The following VWA8 variants were observed in gnomAD, a reference collection of about 807,000 sequenced individuals.
VWA8 encodes the protein von Willebrand factor A domain-containing protein 8.
A neutral mutation model predicts 241.5 loss-of-function variants in VWA8; 221 were observed. The ratio of observed to expected loss-of-function variants is 0.91; its 90% CI spans 0.82 to 1.02. The LOEUF is 1.02. VWA8 is among the 50% of genes least tolerant of loss of function. The pLI, the probability that VWA8 is intolerant of heterozygous loss-of-function variation, is 0.00. For synonymous variants in VWA8, 852 were observed against 827.1 expected, an observed-to-expected ratio of 1.03 and a Z score of -0.52; for missense variants, 2,322 against 2,328.7, an observed-to-expected ratio of 1.00 and a Z score of 0.06.
intron 4 of VWA8, 116 bp downstream of exon 4, chr13:41,907,470 A>ACT (rs1875774763): frequency 1.2e-6 from 1 of 800,360 alleles, no homozygotes. Flanking sequence ...CTGTCTAGAG[A>ACT]GAGCACAATA....
chr13:41,719,815 T>A, intron 25 of VWA8, 73 bp from the exon 26 acceptor site: 1 of 1,406,138 alleles, frequency 7.1e-7, no homozygotes, highest in African/African-American at 1.4e-5. Context: ...ATGAAATGGA[T>A]AGGACAATAA....
chr13:41,784,562 G>A (rs1869048171), intron 18 of VWA8, among the ~76,000 whole-genome samples: 1 of 71,908 alleles, frequency 1.4e-5, no homozygotes, highest in African/African-American at 5.7e-5. Flanking sequence ...TATTCAGGAG[G>A]CTGAGGCAGG....
chr13:41,613,953 G>A (rs182253234), intron 38 of VWA8, among the ~76,000 whole-genome samples: 1 of 152,300 alleles, frequency 6.6e-6, no homozygotes, highest in African/African-American at 2.4e-5. Flanking sequence ...GGACAGATAC[G>A]TGAGCTAGTA....
intron 42 of VWA8, among the ~76,000 whole-genome samples, chr13:41,579,190 A>G (rs2044368005): frequency 6.6e-6 from 1 of 152,206 alleles, no homozygotes; most frequent in Non-Finnish European, 1.5e-5. Context: ...ACAATCATCT[A>G]AGGCTATTTA....
At chr13:41,626,928 T>G (rs2044695805) in intron 37 of VWA8, among the ~76,000 whole-genome samples, 1 of 152,134 alleles carries the variant, frequency 6.6e-6, no homozygotes, top group Admixed American at 6.5e-5. Context: ...TGGAACCTAC[T>G]TAAACTAAAG....
chr13:41,863,429 GTGTGTATA>G (rs1285599989), intron 12 of VWA8, among the ~76,000 whole-genome samples: 1,123 of 72,630 alleles, frequency 0.015, 16 homozygotes, highest in South Asian at 0.027. Context: ...GTGTGTGTGT[GTGTGTATA>G]TATATATATA....
chr13:41,873,388 T>G (rs893956561), intron 9 of VWA8, among the ~76,000 whole-genome samples: 5 of 151,940 alleles, frequency 3.3e-5, no homozygotes, highest in Admixed American at 6.6e-5. Context: ...AATTAATGAA[T>G]CCAGGAGCTG....
intron 34 of VWA8, among the ~76,000 whole-genome samples, chr13:41,686,086 C>T (rs985595525): frequency 1.3e-5 from 2 of 152,098 alleles, no homozygotes; most frequent in African/African-American, 4.8e-5. Context: ...CTAACTTTTG[C>T]CCATAGCAAC....
chr13:41,779,225 A>T (rs909474761), intron 19 of VWA8, among the ~76,000 whole-genome samples: 1 of 147,910 alleles, frequency 6.8e-6, no homozygotes, highest in Non-Finnish European at 1.5e-5. Context: ...TATAGATATA[A>T]AAATATATAA....
chr13:41,768,793 G>T (rs2137916365), intron 20 of VWA8, among the ~76,000 whole-genome samples: 1 of 152,262 alleles, frequency 6.6e-6, no homozygotes, highest in Admixed American at 6.5e-5. Flanking sequence ...AAAGATGACA[G>T]GAGGGTACAT....
chr13:41,646,212 C>T (rs1466862157), intron 37 of VWA8, among the ~76,000 whole-genome samples: 1 of 152,064 alleles, frequency 6.6e-6, no homozygotes, highest in Non-Finnish European at 1.5e-5. Context: ...GTGAACTGCC[C>T]ACTTCTGCCT....
In VWA8 at chr13:41,627,655, C is replaced by T. The variant is rs377410359; in HGVS notation, c.4612-12571G>A. 5.8e-4 allele frequency among the ~76,000 whole-genome samples: 88 copies of T among 152,258 alleles called. No homozygotes were observed. The East Asian group carries it at 7.9e-3, about 14-fold the overall frequency. On this transcript the variant is annotated intron_variant, in intron 37 of 44. Transcript: ENST00000379310. ...AGGGCCCCTCCACACTGGAACAGTG[C>T]ACCCACTGGAACCATGAGAGACCAT...
intron 21 of VWA8, among the ~76,000 whole-genome samples, chr13:41,734,135 C>T (rs191721137): frequency 6.7e-4 from 102 of 152,150 alleles, no homozygotes; most frequent in African/African-American, 2.2e-3. Context: ...GTCAGAAGTT[C>T]GAGACCAGCT....
At chr13:41,910,350 G>A (rs1157676960) in intron 3 of VWA8, among the ~76,000 whole-genome samples, 3 of 152,150 alleles carry the variant, frequency 2.0e-5, no homozygotes, top group Non-Finnish European at 4.4e-5. Flanking sequence ...ACTCTGGGAG[G>A]CCGAGGCAGA....
intron 4 of VWA8, among the ~76,000 whole-genome samples, chr13:41,903,686 A>T (rs1356406393): frequency 6.6e-6 from 1 of 152,176 alleles, no homozygotes; most frequent in Non-Finnish European, 1.5e-5. Flanking sequence ...GGCAAGGAGT[A>T]AAAGGAAAGG....
chr13:41,736,844 CTTTTTTTTT>C (rs5803100), intron 21 of VWA8, among the ~76,000 whole-genome samples: 2 of 128,490 alleles, frequency 1.6e-5, no homozygotes, highest in African/African-American at 2.9e-5. Context: ...TTTTTCTTTT[CTTTTTTTTT>C]TTTTTTTTTT....
chr13:41,624,758 C>A (rs1352769766), intron 37 of VWA8, among the ~76,000 whole-genome samples: 2 of 152,102 alleles, frequency 1.3e-5, no homozygotes, highest in African/African-American at 2.4e-5. Flanking sequence ...CTTTGAGAAT[C>A]GAAACAAGAC....
At chr13:41,678,363 A>C (rs1206264488) in intron 35 of VWA8, among the ~76,000 whole-genome samples, 3 of 152,270 alleles carry the variant, frequency 2.0e-5, no homozygotes, top group Non-Finnish European at 4.4e-5. Context: ...AGCCACACAC[A>C]GTCTGCATTG....
intron 9 of VWA8, among the ~76,000 whole-genome samples, chr13:41,878,876 A>T (rs1423107118): frequency 6.6e-6 from 1 of 152,232 alleles, no homozygotes. Context: ...AGACCAAAAA[A>T]TACATCAAAG....
Sources: gnomAD v4.1 joint callset for allele counts (sites outside exome capture counted in the v4.1 genomes callset) on GRCh38, gnomAD v4.1.1 for gene constraint, MANE v1.5 for transcripts, NCBI Gene and HGNC (gene_info 2026-07-23, HGNC 2026-07-21) for gene names.